Variants in SGCE observed in about 807,000 individuals in gnomAD.
SGCE encodes sarcoglycan epsilon.
SGCE carries 26 observed loss-of-function variants against 57.8 expected under a neutral mutation model. The ratio of observed to expected loss-of-function variants is 0.45; its 90% CI spans 0.33 to 0.62. SGCE has a LOEUF of 0.62. Ranked by LOEUF, SGCE falls within the 20% of genes least tolerant of loss-of-function variation. The pLI, the probability that SGCE is intolerant of heterozygous loss-of-function variation, is 0.02. For missense variants in SGCE, 468 were observed against 548.6 expected (o/e 0.85, Z 1.47); for synonymous variants, 183 against 189.5 (o/e 0.97, Z 0.28).
intron 5 of SGCE, among the ~76,000 whole-genome samples, chr7:94,615,057 A>C (rs549782448): frequency 1.3e-5 from 2 of 152,318 alleles, no homozygotes; most frequent in South Asian, 4.1e-4. Flanking sequence ...GAGGGACATC[A>C]TTTAAGAATA....
intron 1 of SGCE, chr7:94,641,098 T>C (rs1040562483): frequency 6.6e-6 from 1 of 152,244 alleles, no homozygotes; most frequent in African/African-American, 2.4e-5. Context: ...TCACAGAGGT[T>C]GAAAAATGAA....
In SGCE at chr7:94,603,351, A is replaced by G. The variant is rs773893939; in HGVS notation, c.764T>C (p.Val255Ala). ...ACGAAATTTTTTATCACATGTTATT[A>G]CAGGCTCCATTTCTTGACTACATCT... is the stretch of plus-strand genomic sequence containing the variant. ...QLRCSQEMEP[V>A]ITCDKKFRTQ... The change falls in exon 6 of 11, where the codon GTA (valine) becomes GCA (alanine). Residue 255 changes from valine to alanine, a missense_variant. By Grantham distance (64) the Val-to-Ala change is moderately conservative (BLOSUM62 0). Transcript: ENST00000648936. 7 of 1,612,674 alleles carry G rather than the reference A, an allele frequency of 4.3e-6. No individual in the cohort carries two copies. Among genetic ancestry groups the G allele is most frequent in the Non-Finnish European group, 5.9e-6 (7 of 1,179,046 alleles).
intron 5 of SGCE, among the ~76,000 whole-genome samples, chr7:94,610,640 G>GA (rs1240152598): frequency 6.6e-6 from 1 of 151,424 alleles, no homozygotes; most frequent in Non-Finnish European, 1.5e-5. Flanking sequence ...AGCAGTAACA[G>GA]AAAAAAAATA....
intron 5 of SGCE, among the ~76,000 whole-genome samples, chr7:94,603,903 A>G (rs139618084): frequency 6.6e-6 from 1 of 152,254 alleles, no homozygotes; most frequent in African/African-American, 2.4e-5. Context: ...AAACTTTTAA[A>G]TTACATCCCT....
chr7:94,617,928 G>T (rs1802178037), intron 5 of SGCE: 1 of 152,176 alleles, frequency 6.6e-6, no homozygotes, highest in African/African-American at 2.4e-5. Flanking sequence ...TATGGGCGAA[G>T]AAGTTGAAAG....
At chr7:94,632,420 G>A (rs1804857257) in intron 1 of SGCE, among the ~76,000 whole-genome samples, 1 of 152,020 alleles carries the variant, frequency 6.6e-6, no homozygotes, top group South Asian at 2.1e-4. Flanking sequence ...TGGGTTTGAA[G>A]ATGACAAGCA....
At chr7:94,653,684 A>G (rs1464269626) in intron 1 of SGCE, among the ~76,000 whole-genome samples, 1 of 152,040 alleles carries the variant, frequency 6.6e-6, no homozygotes, top group African/African-American at 2.4e-5. Flanking sequence ...GGTTTTATCT[A>G]AATTACTTAT....
intron 1 of SGCE, chr7:94,639,394 C>A: frequency 6.5e-7 from 1 of 1,535,766 alleles, no homozygotes; most frequent in Non-Finnish European, 8.7e-7. Flanking sequence ...GTTGGCCTGT[C>A]TGGTCTTCCA....
chr7:94,646,626 A>T (rs1584768491), intron 1 of SGCE, among the ~76,000 whole-genome samples: 2 of 152,356 alleles, frequency 1.3e-5, no homozygotes, highest in Non-Finnish European at 2.9e-5. Flanking sequence ...AACAGTATAC[A>T]GGCACTATAA....
At chr7:94,605,820 A>ATATTT (rs1370051859) in intron 5 of SGCE, among the ~76,000 whole-genome samples, 6 of 152,168 alleles carry the variant, frequency 3.9e-5, no homozygotes, top group East Asian at 1.9e-4. Context: ...TAGTAGATTT[A>ATATTT]TATTTTATTT....
rs183591960 is a variant in SGCE, at chr7:94,609,197, A to C, written c.663-5745T>G. 2.0e-5 allele frequency among the ~76,000 whole-genome samples: 3 copies of C among 152,332 alleles called. No homozygotes were observed. In the East Asian group the frequency reaches 5.8e-4, roughly 29 times the overall value. ...GACTGTTATCCAAAATATACAAAAA[A>C]CACTTAAAACATAAAACAACAAACA... is the stretch of plus-strand genomic sequence containing the variant. On this transcript the variant is annotated intron_variant, in intron 5 of 10. Transcript: ENST00000648936.
chr7:94,645,419 G>A (rs1175827349), intron 1 of SGCE, among the ~76,000 whole-genome samples: 1 of 152,102 alleles, frequency 6.6e-6, no homozygotes, highest in Non-Finnish European at 1.5e-5. Context: ...TTTAAGTTTT[G>A]GAACCTATGG....
chr7:94,637,059 C>CAA (rs1161470203), intron 1 of SGCE, among the ~76,000 whole-genome samples: 2 of 93,384 alleles, frequency 2.1e-5, no homozygotes, highest in East Asian at 3.1e-4. Flanking sequence ...AACTCCATCT[C>CAA]AAAAAAAAAA....
chr7:94,630,009 G>T, intron 1 of SGCE, 168 bp from the exon 2 acceptor site: 1 of 709,268 alleles, frequency 1.4e-6, no homozygotes, highest in Non-Finnish European at 2.2e-6. Flanking sequence ...TTAAATGGAA[G>T]TGATTTCAGG....
chr7:94,605,980 C>T (rs1800075467), intron 5 of SGCE, among the ~76,000 whole-genome samples: 1 of 152,082 alleles, frequency 6.6e-6, no homozygotes, highest in Admixed American at 6.6e-5. Flanking sequence ...AGGTGCCCGC[C>T]ACCACACCCA....
At chr7:94,654,169 C>T (rs373474461) in intron 1 of SGCE, among the ~76,000 whole-genome samples, 1 of 152,150 alleles carries the variant, frequency 6.6e-6, no homozygotes, top group South Asian at 2.1e-4. Context: ...GAATTTTGTA[C>T]AATGACCTGA....
At chr7:94,649,780 G>A (rs1169464562) in intron 1 of SGCE, among the ~76,000 whole-genome samples, 1 of 152,204 alleles carries the variant, frequency 6.6e-6, no homozygotes, top group African/African-American at 2.4e-5. Flanking sequence ...TGGAGTGGAG[G>A]AGAAAGTTCT....
Position 94,628,213 on chromosome 7 carries a change from T to C in SGCE, c.379A>G (p.Thr127Ala), listed in dbSNP as rs1214532707. Residue 127 changes from threonine to alanine, a missense_variant, in exon 3 of 11, where the codon ACA (threonine) becomes GCA (alanine). Physicochemically the swap from Thr to Ala is moderately conservative, Grantham distance 58. Transcript: ENST00000648936. ...SPTAENVGKP[T>A]IIEITAYNRR... The stretch of plus-strand genomic sequence containing the variant: ...TAGGTGTAAATTACCTCAATGATTG[T>C]TGGCTTCCCCACATTTTCAGCTGTT... The C allele has an allele frequency of 6.2e-7, 1 of 1,611,308 alleles. No individual in the cohort carries two copies. Among genetic ancestry groups the C allele is most frequent in the African/African-American group, 1.3e-5 (1 of 74,924 alleles).
intron 4 of SGCE, chr7:94,620,022 A>T (rs1427892560): frequency 1.3e-5 from 2 of 152,214 alleles, no homozygotes; most frequent in Admixed American, 1.3e-4. Context: ...AGACAAGAAA[A>T]TGTTTCTAGG....
Sources: allele counts gnomAD v4.1 joint callset (sites outside exome capture counted in the v4.1 genomes callset), GRCh38; gene constraint gnomAD v4.1.1; transcripts MANE v1.5; gene names NCBI Gene and HGNC (gene_info 2026-07-23, HGNC 2026-07-21).